EDA: variants seen among roughly 807,000 people sequenced by gnomAD.
The protein encoded by EDA is ectodysplasin-A.
EDA carries 2 observed loss-of-function variants against 23.6 expected under a neutral mutation model. The ratio of observed to expected loss-of-function variants is 0.08; its 90% CI spans 0.03 to 0.27. The LOEUF (loss-of-function observed/expected upper bound fraction) is 0.27, where lower values mean the gene tolerates loss of function less well. Ranked by LOEUF, EDA falls within the 10% of genes least tolerant of loss-of-function variation. The pLI, the probability that EDA is intolerant of heterozygous loss-of-function variation, is 1.00. For synonymous variants in EDA, 131 were observed against 132.0 expected (o/e 0.99, Z 0.05); for missense variants, 229 against 324.2 (o/e 0.71, Z 2.26).
At chrX:69,793,017 A>G (rs1374576469) in intron 1 of EDA, among the ~76,000 whole-genome samples, 5 of 112,256 alleles carry the variant, frequency 4.5e-5, no homozygotes, top group African/African-American at 1.6e-4. Flanking sequence ...TTGCTTTTGT[A>G]GTCTTAGTCA....
At chrX:69,753,641 T>G (rs932386144) in intron 1 of EDA, among the ~76,000 whole-genome samples, 1 of 111,415 alleles carries the variant, frequency 9.0e-6, no homozygotes, top group Non-Finnish European at 1.9e-5. Flanking sequence ...TTGTTAACTT[T>G]CTGTCTCGAT....
At chrX:69,769,914 G>T (rs1170267124) in intron 1 of EDA, among the ~76,000 whole-genome samples, 4 of 110,743 alleles carry the variant, frequency 3.6e-5, no homozygotes, top group Admixed American at 1.9e-4. Flanking sequence ...CAACATGATG[G>T]GATTGAAAGT....
At chrX:69,730,397 C>A (rs1308695564) in intron 1 of EDA, among the ~76,000 whole-genome samples, 4 of 111,378 alleles carry the variant, frequency 3.6e-5, no homozygotes, top group African/African-American at 1.3e-4. Flanking sequence ...GAGCTAAGGG[C>A]ATTATATACA....
At chrX:69,642,105 GGAGGAGGAGGAA>G (rs1289780034) in intron 1 of EDA, among the ~76,000 whole-genome samples, 21 of 111,072 alleles carry the variant, frequency 1.9e-4, no homozygotes, top group African/African-American at 6.5e-4. Context: ...AGTAGTTGGA[GGAGGAGGAGGAA>G]GAGGAGGAGG....
intron 1 of EDA, among the ~76,000 whole-genome samples, chrX:69,788,940 C>G (rs1310071489): frequency 9.1e-6 from 1 of 109,990 alleles, no homozygotes; most frequent in African/African-American, 3.3e-5. Flanking sequence ...TATCAATCAG[C>G]GAGACTCCGT....
intron 1 of EDA, chrX:69,693,276 C>T (rs1168442650): frequency 5.4e-5 from 6 of 111,440 alleles, no homozygotes; most frequent in Non-Finnish European, 1.1e-4. Context: ...AATCACTCCT[C>T]TGCTTTCTCT....
At chrX:69,837,765 T>C (rs2016810532) in intron 1 of EDA, among the ~76,000 whole-genome samples, 1 of 112,114 alleles carries the variant, frequency 8.9e-6, no homozygotes, top group Non-Finnish European at 1.9e-5. Context: ...ATATGAGGAA[T>C]TGATTGTCCT....
chrX:69,628,931 T>C (rs963056696), intron 1 of EDA, among the ~76,000 whole-genome samples: 1 of 111,438 alleles, frequency 9.0e-6, no homozygotes, highest in African/African-American at 3.3e-5. Flanking sequence ...CAGCTCCTTA[T>C]TACCTCACTC....
intron 1 of EDA, among the ~76,000 whole-genome samples, chrX:69,855,883 G>A (rs766274645): frequency 1.8e-5 from 2 of 111,016 alleles, no homozygotes; most frequent in South Asian, 7.6e-4. Context: ...TTTTTGCTCA[G>A]CATTTTATTT....
intron 1 of EDA, among the ~76,000 whole-genome samples, chrX:69,681,615 G>A (rs144238084): frequency 0.025 from 2,804 of 110,169 alleles, 45 homozygotes; most frequent in Non-Finnish European, 0.038. Context: ...TGATCGCATC[G>A]GCTCCTGAGG....
intron 1 of EDA, among the ~76,000 whole-genome samples, chrX:69,660,557 G>C (rs1933456294): frequency 3.8e-5 from 4 of 105,652 alleles, no homozygotes; most frequent in Non-Finnish European, 7.7e-5. Flanking sequence ...TGTTCTCATT[G>C]TTCAATTCCC....
intron 1 of EDA, among the ~76,000 whole-genome samples, chrX:69,709,234 C>T (rs1049874727): frequency 8.9e-6 from 1 of 112,096 alleles, no homozygotes; most frequent in Non-Finnish European, 1.9e-5. Context: ...ATTCCTAATT[C>T]TGACCATTCA....
chrX:69,648,404 G>A (rs977271823), intron 1 of EDA, among the ~76,000 whole-genome samples: 1 of 111,953 alleles, frequency 8.9e-6, no homozygotes, highest in South Asian at 3.8e-4. Context: ...GGCTGAAGCC[G>A]CCACTGGGAG....
chrX:69,764,828 C>G (rs148952609), intron 1 of EDA, among the ~76,000 whole-genome samples: 2,709 of 111,247 alleles, frequency 0.024, 42 homozygotes, highest in South Asian at 0.042. Flanking sequence ...GATGACATCT[C>G]AATCACTCTG....
intron 1 of EDA, among the ~76,000 whole-genome samples, chrX:69,661,831 T>A (rs753522519): frequency 7.3e-4 from 82 of 111,988 alleles, no homozygotes; most frequent in African/African-American, 2.5e-3. Flanking sequence ...TAGTATTTTT[T>A]AAAAAATACA....
chrX:69,860,501 G>A (rs1047822625), intron 1 of EDA, among the ~76,000 whole-genome samples: 1 of 111,378 alleles, frequency 9.0e-6, no homozygotes, highest in African/African-American at 3.3e-5. Flanking sequence ...AGTTTGGCGG[G>A]ATATGAAATT....
At chrX:69,938,146 C>T in intron 1 of EDA, 1 of 664,891 alleles carries the variant, frequency 1.5e-6, no homozygotes, top group East Asian at 3.6e-5. Context: ...TCCTCCTCCC[C>T]CTGGCCATAG....
At chrX:69,634,291 C>G (rs72628831) in intron 1 of EDA, among the ~76,000 whole-genome samples, 1 of 110,867 alleles carries the variant, frequency 9.0e-6, no homozygotes, top group African/African-American at 3.3e-5. Flanking sequence ...ATATTTTCTC[C>G]CATTCTATGT....
chrX:69,713,532 C>T (rs1006553986), intron 1 of EDA, among the ~76,000 whole-genome samples: 1 of 111,491 alleles, frequency 9.0e-6, no homozygotes, highest in Non-Finnish European at 1.9e-5. Context: ...CTCCCTTTAC[C>T]CCATGTCTAA....
Sources: allele counts gnomAD v4.1 joint callset (sites outside exome capture counted in the v4.1 genomes callset), GRCh38; gene constraint gnomAD v4.1.1; transcripts MANE v1.5; gene names NCBI Gene and HGNC (gene_info 2026-07-23, HGNC 2026-07-21).